Variants in CPA6 observed in about 807,000 individuals in gnomAD.
CPA6 encodes carboxypeptidase A6, also known as carboxypeptidase B.
In CPA6, 58 loss-of-function variants were observed where a neutral mutation model predicts 63.3. The observed-to-expected ratio is 0.92, with a 90% CI of 0.74 to 1.14. CPA6 has a LOEUF of 1.14. Ranked by LOEUF, CPA6 falls within the 50% of genes most tolerant of loss-of-function variation. The pLI is 0.00. For synonymous variants in CPA6, 185 were observed against 179.0 expected (o/e 1.03, Z -0.27); for missense variants, 565 against 526.6 (o/e 1.07, Z -0.71).
chr8:67,576,248 C>A (rs1033595782), intron 2 of CPA6, among the ~76,000 whole-genome samples: 15 of 152,106 alleles, frequency 9.9e-5, no homozygotes, highest in African/African-American at 3.6e-4. Flanking sequence ...TTCACTTAAC[C>A]ATTCCATTGT....
intron 1 of CPA6, among the ~76,000 whole-genome samples, chr8:67,706,928 T>C (rs934517932): frequency 6.6e-5 from 10 of 152,210 alleles, no homozygotes; most frequent in Non-Finnish European, 1.5e-4. Flanking sequence ...TTGGTATGTG[T>C]TCCAAATTTA....
At chr8:67,452,398 C>G (rs758766949) in intron 8 of CPA6, 1 of 152,242 alleles carries the variant, frequency 6.6e-6, no homozygotes, top group East Asian at 1.9e-4. Context: ...TTCTTTCCTT[C>G]TCAACCCCCT....
intron 8 of CPA6, among the ~76,000 whole-genome samples, chr8:67,459,908 C>T (rs6472308): frequency 3.3e-5 from 5 of 151,956 alleles, no homozygotes; most frequent in African/African-American, 9.7e-5. Flanking sequence ...GTTGACAATG[C>T]GGGAGGCTAT....
At chr8:67,728,653 C>T (rs547878596) in intron 1 of CPA6, among the ~76,000 whole-genome samples, 3 of 152,274 alleles carry the variant, frequency 2.0e-5, no homozygotes, top group East Asian at 1.9e-4. Context: ...ATTAATACTG[C>T]AAATAGCTTA....
chr8:67,708,164 T>C (rs769316380), intron 1 of CPA6, among the ~76,000 whole-genome samples: 11 of 152,172 alleles, frequency 7.2e-5, no homozygotes, highest in Non-Finnish European at 1.3e-4. Context: ...AAAAGTCTTA[T>C]GTGAGATTCC....
chr8:67,635,492 G>C (rs907197652), intron 1 of CPA6, among the ~76,000 whole-genome samples: 1 of 151,734 alleles, frequency 6.6e-6, no homozygotes, highest in Non-Finnish European at 1.5e-5. Flanking sequence ...AAGGGGCTGG[G>C]CATGGTGGCT....
intron 1 of CPA6, among the ~76,000 whole-genome samples, chr8:67,675,504 C>G (rs190021151): frequency 2.3e-3 from 354 of 152,290 alleles, no homozygotes; most frequent in Middle Eastern, 0.01. Flanking sequence ...CCTTCCACCC[C>G]TCCCCTTGCC....
chr8:67,686,590 A>G (rs1020117852), intron 1 of CPA6, among the ~76,000 whole-genome samples: 1 of 152,208 alleles, frequency 6.6e-6, no homozygotes, highest in Non-Finnish European at 1.5e-5. Flanking sequence ...TGCAAAAGAA[A>G]ACTACTTGCC....
chr8:67,558,448 T>G (rs1316748348), intron 2 of CPA6, among the ~76,000 whole-genome samples: 1 of 152,208 alleles, frequency 6.6e-6, no homozygotes, highest in Non-Finnish European at 1.5e-5. Flanking sequence ...AAGTATTTAT[T>G]GAACAAACAA....
At chr8:67,437,186 G>C (rs1047644078) in intron 8 of CPA6, among the ~76,000 whole-genome samples, 1 of 152,172 alleles carries the variant, frequency 6.6e-6, no homozygotes, top group Non-Finnish European at 1.5e-5. Context: ...ACGAGGTCAG[G>C]AGATCGAGAC....
chr8:67,444,014 C>G (rs1191180980), intron 8 of CPA6, among the ~76,000 whole-genome samples: 2 of 144,928 alleles, frequency 1.4e-5, no homozygotes, highest in South Asian at 4.3e-4. Context: ...TTTTCTGAGA[C>G]GGAGTCTCGC....
intron 2 of CPA6, among the ~76,000 whole-genome samples, chr8:67,609,830 T>A (rs919978389): frequency 6.6e-6 from 1 of 152,150 alleles, no homozygotes; most frequent in Non-Finnish European, 1.5e-5. Flanking sequence ...GAGACCAACA[T>A]GGTCAATATG....
At chr8:67,450,972 T>C (rs374522709) in intron 8 of CPA6, among the ~76,000 whole-genome samples, 84 of 152,278 alleles carry the variant, frequency 5.5e-4, no homozygotes, top group African/African-American at 1.9e-3. Flanking sequence ...AGCTATTTAT[T>C]TATATAGACT....
In CPA6 at chr8:67,639,937, A is replaced by G. The variant is rs369705960; in HGVS notation, c.117-15686T>C. On this transcript the variant is annotated intron_variant, in intron 1 of 10. Transcript: ENST00000297770. ...CTGACAAGTGTTCAGCTCTCAGCAGAGAGGGTAGCTACTCTCTGTAGCTGG... is the reference window on the plus strand; with the variant it reads ...CTGACAAGTGTTCAGCTCTCAGCAGGGAGGGTAGCTACTCTCTGTAGCTGG... Among the ~76,000 whole-genome samples the G allele has an allele frequency of 4.6e-5, 7 of 151,282 alleles. No homozygotes were observed. The East Asian group carries it at 1.2e-3, about 25-fold the overall frequency.
chr8:67,645,231 C>T lies in CPA6; in HGVS notation c.117-20980G>A, dbSNP rs550386577. On this transcript the variant is annotated intron_variant, in intron 1 of 10. Coordinates refer to ENST00000297770, the MANE Select transcript of CPA6 (RefSeq NM_020361.5). ...GTTAAGTATGGTATTAAAAATAGGA[C>T]GGGAAAGTCTATATTCAAATATATC... 2.2e-4 allele frequency among the ~76,000 whole-genome samples: 33 copies of T among 152,200 alleles called. No homozygotes were observed. The South Asian group carries it at 4.6e-3, about 21-fold the overall frequency.
At chr8:67,483,680 C>T in intron 8 of CPA6, 88 bp downstream of exon 8, 1 of 1,036,122 alleles carries the variant, frequency 9.7e-7, no homozygotes, top group Non-Finnish European at 1.5e-6. Context: ...AAACATGAGT[C>T]TCCCATGAGA....
chr8:67,509,126 C>T (rs1027688238), intron 5 of CPA6, among the ~76,000 whole-genome samples: 1 of 152,130 alleles, frequency 6.6e-6, no homozygotes, highest in African/African-American at 2.4e-5. Flanking sequence ...GGGAAATCTG[C>T]CTTCATGATT....
At position 67,544,753 on chromosome 8, in the gene CPA6, A is replaced by G. The variant is rs144789572; in HGVS notation, c.193-26706T>C. 1.6e-4 allele frequency among the ~76,000 whole-genome samples: 25 copies of G among 152,266 alleles called. No individual in the cohort carries two copies. In the South Asian group the frequency reaches 3.5e-3, roughly 21 times the overall value. On this transcript the variant is annotated intron_variant, in intron 2 of 10. Coordinates refer to ENST00000297770, the MANE Select transcript of CPA6 (RefSeq NM_020361.5). ...AATTCGCTGCTTCTGCCATATATAT[A>G]TCTTTCGTACAACTTAAACTTTCTT...
rs1811020734 is a variant in CPA6, at chr8:67,469,999, T to C, written c.838+13769A>G. Among the ~76,000 whole-genome samples the C allele has an allele frequency of 2.6e-5, 4 of 152,122 alleles. No individual in the cohort carries two copies. In the South Asian group the frequency reaches 8.3e-4, roughly 32 times the overall value. ...ATAGAAGGCATTCATTTCATATTTT[T>C]GAATAAATGGAGGAATGGATCATGT... On this transcript the variant is annotated intron_variant, in intron 8 of 10. Coordinates refer to ENST00000297770, the MANE Select transcript of CPA6 (RefSeq NM_020361.5).
Sources: allele counts gnomAD v4.1 joint callset (sites outside exome capture counted in the v4.1 genomes callset), GRCh38; gene constraint gnomAD v4.1.1; transcripts MANE v1.5; gene names NCBI Gene and HGNC (gene_info 2026-07-23, HGNC 2026-07-21).